COL24A1: variants seen among roughly 807,000 people sequenced by gnomAD.
COL24A1 encodes collagen type XXIV alpha 1 chain.
In COL24A1, 224 loss-of-function variants were observed where a neutral mutation model predicts 253.9. That is an observed-to-expected ratio of 0.88 (90% CI 0.79 to 0.99). The LOEUF is 0.99. COL24A1 is among the 50% of genes least tolerant of loss of function. The probability of loss-of-function intolerance (pLI) is 0.00; values close to 1 mark genes in which losing one functional copy is unlikely to be tolerated. For missense variants in COL24A1, 2,131 were observed against 2,068.5 expected, an observed-to-expected ratio of 1.03 and a Z score of -0.59; for synonymous variants, 685 against 673.7, an observed-to-expected ratio of 1.02 and a Z score of -0.26.
intron 42 of COL24A1, among the ~76,000 whole-genome samples, chr1:85,839,348 C>T (rs1676362981): frequency 6.6e-6 from 1 of 151,910 alleles, no homozygotes; most frequent in Non-Finnish European, 1.5e-5. Context: ...TACATAATTC[C>T]ATTAATTACA....
chr1:85,896,767 G>T (rs1194237858), intron 28 of COL24A1, among the ~76,000 whole-genome samples: 1 of 152,154 alleles, frequency 6.6e-6, no homozygotes, highest in East Asian at 1.9e-4. Flanking sequence ...CACAGTGCTG[G>T]GATTACAGGC....
At chr1:85,983,894 C>A (rs1206141287) in intron 20 of COL24A1, among the ~76,000 whole-genome samples, 1 of 151,774 alleles carries the variant, frequency 6.6e-6, no homozygotes, top group Non-Finnish European at 1.5e-5. Context: ...CCAGGATATT[C>A]TTTTAAAATT....
intron 26 of COL24A1, among the ~76,000 whole-genome samples, 177 bp downstream of exon 26, chr1:85,909,773 T>C (rs1161678471): frequency 1.3e-5 from 2 of 151,924 alleles, no homozygotes; most frequent in Admixed American, 6.6e-5. Flanking sequence ...TTACATGCTT[T>C]TGAGTACCTT....
At chr1:85,863,577 T>C (rs1358532953) in intron 37 of COL24A1, among the ~76,000 whole-genome samples, 1 of 152,162 alleles carries the variant, frequency 6.6e-6, no homozygotes, top group African/African-American at 2.4e-5. Flanking sequence ...AAAGAGCTTC[T>C]GCACAGAAAA....
At chr1:85,907,304 A>G (rs1274067668) in intron 27 of COL24A1, 57 bp from the exon 28 acceptor site, 1 of 1,356,736 alleles carries the variant, frequency 7.4e-7, no homozygotes, top group African/African-American at 1.4e-5. Flanking sequence ...TATCAGAATA[A>G]TAGCCATAAT....
intron 4 of COL24A1, among the ~76,000 whole-genome samples, chr1:86,113,886 T>C (rs1705869035): frequency 6.6e-6 from 1 of 150,376 alleles, no homozygotes; most frequent in African/African-American, 2.4e-5. Context: ...TGGTTAGATG[T>C]TATGACTTAT....
chr1:85,949,374 A>G (rs1177880732), intron 24 of COL24A1, among the ~76,000 whole-genome samples: 1 of 152,158 alleles, frequency 6.6e-6, no homozygotes, highest in Non-Finnish European at 1.5e-5. Context: ...ATTTAACAAG[A>G]GATAAAGTTT....
At chr1:85,972,076 A>G (rs928259821) in intron 20 of COL24A1, among the ~76,000 whole-genome samples, 37 of 152,178 alleles carry the variant, frequency 2.4e-4, no homozygotes, top group Non-Finnish European at 3.4e-4. Context: ...ACACTATACA[A>G]CATCTATTCA....
chr1:85,880,641 A>G (rs929038828), intron 32 of COL24A1, among the ~76,000 whole-genome samples: 2 of 152,126 alleles, frequency 1.3e-5, no homozygotes, highest in African/African-American at 4.8e-5. Context: ...TCTCACCAGT[A>G]AGTATAATGT....
intron 31 of COL24A1, among the ~76,000 whole-genome samples, chr1:85,891,741 T>C (rs148556158): frequency 3.7e-4 from 57 of 152,312 alleles, no homozygotes; most frequent in African/African-American, 1.3e-3. Flanking sequence ...CTTTAAATAA[T>C]GTCTGCCCAA....
intron 19 of COL24A1, among the ~76,000 whole-genome samples, chr1:85,990,373 A>G (rs1289741970): frequency 6.6e-6 from 1 of 152,130 alleles, no homozygotes; most frequent in Non-Finnish European, 1.5e-5. Context: ...TCGGGATGAA[A>G]CTGTTCTGCT....
chr1:85,777,270 C>G (rs1668639598), intron 52 of COL24A1, among the ~76,000 whole-genome samples: 1 of 152,020 alleles, frequency 6.6e-6, no homozygotes, highest in Non-Finnish European at 1.5e-5. Context: ...GATATCTACA[C>G]AGCACTTTAA....
chr1:85,901,824 C>CAAAA (rs55862441), intron 28 of COL24A1, among the ~76,000 whole-genome samples: 15,329 of 57,564 alleles, frequency 0.27, 4,334 homozygotes, highest in Non-Finnish European at 0.3. Flanking sequence ...GACTCCGTCT[C>CAAAA]AAAAAAAAAA....
At chr1:86,148,882 G>T (rs1265439851) in intron 1 of COL24A1, among the ~76,000 whole-genome samples, 1 of 151,984 alleles carries the variant, frequency 6.6e-6, no homozygotes, top group Non-Finnish European at 1.5e-5. Flanking sequence ...GGATGGCTGG[G>T]TCAAATGGTA....
chr1:86,063,047 T>G (rs1021006757), intron 8 of COL24A1, among the ~76,000 whole-genome samples: 3 of 151,992 alleles, frequency 2.0e-5, no homozygotes, highest in African/African-American at 7.3e-5. Flanking sequence ...TATATTCATA[T>G]TATATTTTCA....
intron 5 of COL24A1, among the ~76,000 whole-genome samples, chr1:86,093,917 T>G (rs1037282569): frequency 6.6e-6 from 1 of 152,058 alleles, no homozygotes; most frequent in Non-Finnish European, 1.5e-5. Flanking sequence ...ATTAGAGAAA[T>G]GCAATTCAAA....
chr1:86,105,665 A>G (rs1243127152), intron 5 of COL24A1, among the ~76,000 whole-genome samples: 2 of 152,168 alleles, frequency 1.3e-5, no homozygotes, highest in African/African-American at 2.4e-5. Flanking sequence ...ATGCTCCACC[A>G]CATATGCTCC....
intron 24 of COL24A1, among the ~76,000 whole-genome samples, chr1:85,943,524 C>T (rs2103208532): frequency 6.6e-6 from 1 of 152,144 alleles, no homozygotes; most frequent in East Asian, 1.9e-4. Context: ...AATTGTTCTC[C>T]CACCAAAAAG....
chr1:86,141,296 G>A (rs928129372), intron 2 of COL24A1, among the ~76,000 whole-genome samples: 1 of 152,186 alleles, frequency 6.6e-6, no homozygotes, highest in Non-Finnish European at 1.5e-5. Flanking sequence ...CAAATTGGGG[G>A]TTGAGGATAT....
Sources: gnomAD v4.1 joint callset for allele counts (sites outside exome capture counted in the v4.1 genomes callset) on GRCh38, gnomAD v4.1.1 for gene constraint, MANE v1.5 for transcripts, NCBI Gene and HGNC (gene_info 2026-07-23, HGNC 2026-07-21) for gene names.